Variants in PPM1L observed in about 807,000 individuals in gnomAD.
PPM1L encodes the protein protein phosphatase 1L.
In PPM1L, 13 loss-of-function variants were observed where a neutral mutation model predicts 31.4. The observed-to-expected ratio is 0.41, with a 90% CI of 0.27 to 0.66. PPM1L has a LOEUF of 0.66. Among genes scored for constraint, PPM1L ranks in the 30% least tolerant of loss-of-function variants. The pLI is 0.29. For synonymous variants in PPM1L, 184 were observed against 175.4 expected (o/e 1.05, Z -0.39); for missense variants, 326 against 453.7 (o/e 0.72, Z 2.56).
At chr3:160,907,343 A>G (rs1713797618) in intron 1 of PPM1L, among the ~76,000 whole-genome samples, 1 of 152,214 alleles carries the variant, frequency 6.6e-6, no homozygotes, top group South Asian at 2.1e-4. Flanking sequence ...TGGTCTACGT[A>G]TTTTCTGTTC....
rs149868982 is a variant in PPM1L, at chr3:160,756,752, C to CT, written c.399+45_399+46insT. 5 of 1,016,704 alleles carry CT rather than the reference C, an allele frequency of 4.9e-6. No individual in the cohort carries two copies. Among genetic ancestry groups the CT allele is most frequent in the Non-Finnish European group, 7.1e-6 (5 of 700,470 alleles). 63.0% of individuals were successfully genotyped at this position (1,016,704 alleles called of 1,614,324 possible). A position where few individuals can be genotyped will look rare whatever the true frequency, so the allele number is the denominator to read the frequency against. ...TTTGTATTTGTGTCCGTGTATGTCT[C>CT]GTGTGTGTGTGTGTGTGTGTGTGTG... On this transcript the variant is annotated intron_variant, in intron 1 of 3. Coordinates refer to ENST00000498165, the MANE Select transcript of PPM1L (RefSeq NM_139245.4). This position sits in a 1 kb window ranked among gnomAD's most constrained non-coding sequence, Gnocchi z 6.2.
intron 1 of PPM1L, among the ~76,000 whole-genome samples, chr3:160,774,201 A>T (rs999523012): frequency 2.6e-5 from 4 of 151,996 alleles, no homozygotes; most frequent in African/African-American, 9.7e-5. Flanking sequence ...TTATTCTCTC[A>T]GTCCGCCACT....
At chr3:160,957,880 G>A (rs1210889233) in intron 1 of PPM1L, among the ~76,000 whole-genome samples, 3 of 151,980 alleles carry the variant, frequency 2.0e-5, no homozygotes, top group Admixed American at 6.6e-5. Flanking sequence ...CCGGCCTCTC[G>A]TTGTGTTTTA....
At chr3:161,049,138 C>T (rs1432087756) in intron 2 of PPM1L, among the ~76,000 whole-genome samples, 1 of 150,682 alleles carries the variant, frequency 6.6e-6, no homozygotes, top group Middle Eastern at 3.5e-3. Context: ...ATTAGATGGA[C>T]GTGGTAGCAC....
chr3:160,860,882 A>T (rs1184490059), intron 1 of PPM1L, among the ~76,000 whole-genome samples: 1 of 152,250 alleles, frequency 6.6e-6, no homozygotes, highest in South Asian at 2.1e-4. Context: ...AATCCCATTC[A>T]TGAGGGTTTC....
chr3:160,890,589 A>G (rs1713103904), intron 1 of PPM1L, among the ~76,000 whole-genome samples: 1 of 152,178 alleles, frequency 6.6e-6, no homozygotes, highest in Non-Finnish European at 1.5e-5. Context: ...TTCCTATCAA[A>G]CTACCATTGA....
intron 1 of PPM1L, among the ~76,000 whole-genome samples, chr3:160,823,189 T>C (rs1203564711): frequency 6.6e-6 from 1 of 152,100 alleles, no homozygotes; most frequent in African/African-American, 2.4e-5. Flanking sequence ...ACTTCTTATT[T>C]ATAGGAAACT....
chr3:160,914,897 G>A (rs979844936), intron 1 of PPM1L, among the ~76,000 whole-genome samples: 2 of 152,102 alleles, frequency 1.3e-5, no homozygotes, highest in Non-Finnish European at 2.9e-5. Context: ...CTAGTTTACA[G>A]TCCCACCAAC....
intron 2 of PPM1L, among the ~76,000 whole-genome samples, chr3:161,060,339 GA>G (rs1225840227): frequency 6.6e-6 from 1 of 152,126 alleles, no homozygotes; most frequent in African/African-American, 2.4e-5. Context: ...CAACAGGAGG[GA>G]GGCCTTGAGC....
intron 1 of PPM1L, among the ~76,000 whole-genome samples, chr3:160,766,859 G>T (rs748389778): frequency 6.7e-6 from 1 of 148,640 alleles, no homozygotes; most frequent in African/African-American, 2.6e-5. Flanking sequence ...ACTCGAGTCT[G>T]TTAAGATTGA....
chr3:161,006,832 G>GC (rs201126812), intron 2 of PPM1L, among the ~76,000 whole-genome samples: 2,809 of 152,012 alleles, frequency 0.018, 79 homozygotes, highest in African/African-American at 0.063. Flanking sequence ...ACAGGCACCC[G>GC]CCACCACGCC....
chr3:160,944,990 CATATATATAACTATATATAACAT>C (rs1559897535), intron 1 of PPM1L, among the ~76,000 whole-genome samples: 954 of 26,694 alleles, frequency 0.036, 79 homozygotes, highest in Middle Eastern at 0.15. Flanking sequence ...CTATATATAA[CATATATATAACTATATATAACAT>C]ATATATTATA....
chr3:160,928,783 T>A (rs1714685636), intron 1 of PPM1L, among the ~76,000 whole-genome samples: 1 of 152,152 alleles, frequency 6.6e-6, no homozygotes, highest in African/African-American at 2.4e-5. Flanking sequence ...ACCTAGATGG[T>A]GCCATCTATG....
At chr3:160,909,831 C>T (rs1713893056) in intron 1 of PPM1L, among the ~76,000 whole-genome samples, 1 of 152,164 alleles carries the variant, frequency 6.6e-6, no homozygotes, top group African/African-American at 2.4e-5. Flanking sequence ...TAAATTAGTC[C>T]TTTCTTTTTC....
intron 1 of PPM1L, among the ~76,000 whole-genome samples, chr3:160,787,869 T>C (rs913110392): frequency 7.2e-5 from 11 of 152,092 alleles, no homozygotes; most frequent in African/African-American, 2.7e-4. Context: ...AATAGGAAAA[T>C]TGAATTTTCC....
At chr3:160,943,198 C>G (rs551297199) in intron 1 of PPM1L, among the ~76,000 whole-genome samples, 1 of 152,170 alleles carries the variant, frequency 6.6e-6, no homozygotes, top group Non-Finnish European at 1.5e-5. Flanking sequence ...GGAAACCAAA[C>G]TCATATGCAG....
intron 2 of PPM1L, among the ~76,000 whole-genome samples, chr3:161,000,851 T>G (rs1353258929): frequency 2.0e-5 from 3 of 152,218 alleles, no homozygotes; most frequent in Non-Finnish European, 2.9e-5. Context: ...ATAAATACTT[T>G]ACACAGCTCA....
At chr3:161,057,037 C>T (rs1047498625) in intron 2 of PPM1L, among the ~76,000 whole-genome samples, 7 of 151,560 alleles carry the variant, frequency 4.6e-5, no homozygotes, top group Admixed American at 1.3e-4. Context: ...CACTCCAGCC[C>T]GGGCAACAAG....
chr3:160,881,778 G>A (rs745805364), intron 1 of PPM1L, among the ~76,000 whole-genome samples: 16 of 152,296 alleles, frequency 1.1e-4, no homozygotes, highest in African/African-American at 2.4e-5. Context: ...CCGGCCGGGC[G>A]CGGTGGCTCA....
Sources: allele counts gnomAD v4.1 joint callset (sites outside exome capture counted in the v4.1 genomes callset), GRCh38; gene constraint gnomAD v4.1.1; non-coding constraint Gnocchi (gnomAD v3.1); transcripts MANE v1.5; gene names NCBI Gene and HGNC (gene_info 2026-07-23, HGNC 2026-07-21).